Variants in UPP2 observed in about 807,000 individuals in gnomAD.
The protein encoded by UPP2 is uridine phosphorylase 2, also known as UPase 2.
Under a neutral mutation model 26.7 loss-of-function variants are expected in UPP2, and 23 were observed. The ratio of observed to expected loss-of-function variants is 0.86; its 90% CI spans 0.62 to 1.22. The LOEUF (loss-of-function observed/expected upper bound fraction) is 1.22. Ranked by LOEUF, UPP2 falls within the 50% of genes most tolerant of loss-of-function variation. UPP2 has a pLI of 0.00. For missense variants in UPP2, 387 were observed against 396.7 expected, an observed-to-expected ratio of 0.98 and a Z score of 0.21; for synonymous variants, 127 against 141.3, an observed-to-expected ratio of 0.90 and a Z score of 0.72.
chr2:158,104,917 AAAGGGAAGGG>A lies in UPP2; in HGVS notation c.63-1128_63-1119del, dbSNP rs1216201245. On this transcript the variant is annotated intron_variant, in intron 1 of 6. Transcript: ENST00000005756. ...GCCTGGGTGACAGAGCGAAACTCTGAAAGGGAAGGGAAGGGAAGGGAAGGGAAGGGAAGGG... is the reference window on the plus strand; with the variant it reads ...GCCTGGGTGACAGAGCGAAACTCTGAAAGGGAAGGGAAGGGAAGGGAAGGG... Among the ~76,000 whole-genome samples the A allele has an allele frequency of 6.3e-3, 498 of 79,082 alleles. 8 individuals carry two copies. The highest frequency in any genetic ancestry group is 8.2e-3 in the African/African-American group (148 of 17,968). 51.9% of individuals were successfully genotyped at this position (79,082 alleles called of 152,430 possible).
rs75706994 is a variant in UPP2 at position 158,071,545 on chromosome 2, T to G, written c.148-30495T>G. 9.6e-4 allele frequency among the ~76,000 whole-genome samples: 93 copies of G among 96,406 alleles called. No individual in the cohort carries two copies. In the East Asian group the frequency reaches 0.021, roughly 21 times the overall value. 63.2% of individuals were successfully genotyped at this position (96,406 alleles called of 152,430 possible). A position where few individuals can be genotyped will look rare whatever the true frequency, so the allele number is the denominator to read the frequency against. ...CAGCCTGGGCAAAGAAGCGAGATTCTGTCTCAAAAAAAAAAAAAAAAAAAA... is the reference window on the plus strand; with the variant it reads ...CAGCCTGGGCAAAGAAGCGAGATTCGGTCTCAAAAAAAAAAAAAAAAAAAA... On this transcript the variant is annotated intron_variant, in intron 3 of 9. Coordinates refer to the UPP2 transcript ENST00000605860.
At chr2:158,001,464 C>G (rs1355566964) in intron 2 of UPP2, among the ~76,000 whole-genome samples, 1 of 152,068 alleles carries the variant, frequency 6.6e-6, no homozygotes, top group Non-Finnish European at 1.5e-5. Context: ...GCCTTCTGCT[C>G]TCACTATTCT....
In UPP2 at chr2:158,063,601, CTT is replaced by C. The variant is rs5835686; in HGVS notation, c.148-38428_148-38427del. On this transcript the variant is annotated intron_variant, in intron 3 of 9. Coordinates refer to the UPP2 transcript ENST00000605860. ...TAGGATTAGGCCACCATTTTCTTTTCTTTTTTTTTTTTATACTTTAAGTTCTG... is the reference window on the plus strand; with the variant it reads ...TAGGATTAGGCCACCATTTTCTTTTCTTTTTTTTTTATACTTTAAGTTCTG... 4.8e-3 allele frequency among the ~76,000 whole-genome samples: 714 copies of C among 147,936 alleles called. 2 individuals carry two copies. Among genetic ancestry groups the C allele is most frequent in the African/African-American group, 0.015 (615 of 40,324 alleles).
intron 2 of UPP2, among the ~76,000 whole-genome samples, chr2:158,112,057 G>A (rs10182253): frequency 0.54 from 82,169 of 151,904 alleles, 22,645 homozygotes; most frequent in African/African-American, 0.61. Context: ...ATTCAATGCA[G>A]TCCCCATTAA....
intron 3 of UPP2, among the ~76,000 whole-genome samples, chr2:158,076,364 T>C (rs1390790876): frequency 1.3e-5 from 2 of 151,700 alleles, no homozygotes; most frequent in Admixed American, 6.6e-5. Flanking sequence ...CAAAGACACA[T>C]CTAAAAAAGA....
intron 3 of UPP2, among the ~76,000 whole-genome samples, chr2:158,020,596 G>A (rs1683733994): frequency 6.6e-6 from 1 of 152,214 alleles, no homozygotes; most frequent in South Asian, 2.1e-4. Context: ...GATGCAACAT[G>A]GAATGACACC....
At chr2:158,095,289 T>C (rs1279771655) in intron 3 of UPP2, among the ~76,000 whole-genome samples, 1 of 152,198 alleles carries the variant, frequency 6.6e-6, no homozygotes, top group Non-Finnish European at 1.5e-5. Flanking sequence ...TGGGGCCATC[T>C]TGTTCATCAG....
At chr2:158,078,886 C>T (rs1028241256) in intron 3 of UPP2, among the ~76,000 whole-genome samples, 5 of 152,012 alleles carry the variant, frequency 3.3e-5, no homozygotes, top group African/African-American at 7.2e-5. Flanking sequence ...ATCTCATGTA[C>T]CCTGATATGG....
intron 4 of UPP2, among the ~76,000 whole-genome samples, chr2:158,119,189 T>G (rs1242073055): frequency 2.0e-5 from 3 of 152,050 alleles, no homozygotes; most frequent in African/African-American, 7.2e-5. Context: ...TCATGCATTG[T>G]AAAGTCCTGA....
In UPP2 at chr2:158,010,768, T is replaced by C. The variant is rs920123467; in HGVS notation, c.62-5033T>C. Among the ~76,000 whole-genome samples, 23 of 113,936 alleles carry C rather than the reference T, an allele frequency of 2.0e-4. 1 individual carries two copies. Among genetic ancestry groups the C allele is most frequent in the South Asian group, 8.5e-4 (3 of 3,538 alleles). The allele number at this position is 113,936 out of a possible 152,430, so 74.7% of individuals were successfully genotyped here. On this transcript the variant is annotated intron_variant, in intron 2 of 9. Transcript: ENST00000605860. Reference sequence around the variant, plus strand: ...ATCATTAGCTCCCTCTTTTTCTTTTTTTTTTTTTTTTTTTTGAGACAGAGT... The same window carrying C: ...ATCATTAGCTCCCTCTTTTTCTTTTCTTTTTTTTTTTTTTTGAGACAGAGT...
At chr2:158,101,355 C>T (rs1485110573), upstream of UPP2, among the ~76,000 whole-genome samples, 1 of 152,172 alleles carries the variant, frequency 6.6e-6, no homozygotes, top group Non-Finnish European at 1.5e-5. Flanking sequence ...ATAAATTTTA[C>T]CAATGGCCTA....
intron 3 of UPP2, among the ~76,000 whole-genome samples, chr2:158,091,728 C>T (rs958401889): frequency 2.6e-5 from 4 of 152,090 alleles, no homozygotes; most frequent in African/African-American, 9.7e-5. Context: ...ACTGGGGTGA[C>T]GAGGTGCCTG....
At chr2:158,069,065 C>T (rs192382610) in intron 3 of UPP2, among the ~76,000 whole-genome samples, 17 of 151,660 alleles carry the variant, frequency 1.1e-4, no homozygotes, top group Admixed American at 7.2e-4. Flanking sequence ...CCCACCTCGG[C>T]CTCCCAAAGT....
intron 3 of UPP2, among the ~76,000 whole-genome samples, chr2:158,071,783 C>A (rs1394960165): frequency 1.3e-5 from 2 of 152,052 alleles, no homozygotes; most frequent in African/African-American, 2.4e-5. Context: ...TCATCATCTA[C>A]TGACTAAAGA....
At chr2:158,019,941 G>A (rs1459927375) in intron 3 of UPP2, among the ~76,000 whole-genome samples, 4 of 152,056 alleles carry the variant, frequency 2.6e-5, no homozygotes, top group African/African-American at 9.7e-5. Context: ...ATTATAATTT[G>A]TAAAAATAAA....
At chr2:158,068,784 ATATATATATATATATATATTTTTTTTTT>A (rs1315811856) in intron 3 of UPP2, among the ~76,000 whole-genome samples, 4 of 11,216 alleles carry the variant, frequency 3.6e-4, no homozygotes, top group African/African-American at 1.5e-3. Context: ...ATATATATAT[ATATATATATATATATATATTTTTTTTTT>A]TTTTTTTTTT....
At chr2:158,106,064 C>A (rs1489679171) in intron 1 of UPP2, 35 bp from the exon 2 acceptor site, 3 of 1,474,598 alleles carry the variant, frequency 2.0e-6, no homozygotes, top group Non-Finnish European at 2.8e-6. Context: ...TCTCAAAATT[C>A]TTTTATATCT....
intron 3 of UPP2, among the ~76,000 whole-genome samples, chr2:158,084,666 T>C (rs1682784663): frequency 6.6e-6 from 1 of 152,196 alleles, no homozygotes; most frequent in Admixed American, 6.5e-5. Flanking sequence ...GAGTTGACTT[T>C]TGAATAAGGT....
intron 3 of UPP2, among the ~76,000 whole-genome samples, chr2:158,088,688 G>T (rs1437401692): frequency 6.6e-6 from 1 of 152,162 alleles, no homozygotes; most frequent in African/African-American, 2.4e-5. Flanking sequence ...TTGATGTGTT[G>T]CTCTCCCCCT....
Sources: gnomAD v4.1 joint callset for allele counts (sites outside exome capture counted in the v4.1 genomes callset) on GRCh38, gnomAD v4.1.1 for gene constraint, MANE v1.5 for transcripts, NCBI Gene and HGNC (gene_info 2026-07-23, HGNC 2026-07-21) for gene names.